The following ROBO2 variants were observed in gnomAD, a reference collection of about 807,000 sequenced individuals.
ROBO2 encodes roundabout guidance receptor 2, also known as roundabout homolog 2.
Under a neutral mutation model 160.8 loss-of-function variants are expected in ROBO2, and 53 were observed. The observed-to-expected ratio is 0.33, with a 90% CI of 0.26 to 0.41. The LOEUF (loss-of-function observed/expected upper bound fraction) is 0.41, where lower values mean the gene tolerates loss of function less well. Among genes scored for constraint, ROBO2 ranks in the 10% least tolerant of loss-of-function variants. The pLI, the probability that ROBO2 is intolerant of heterozygous loss-of-function variation, is 1.00. For synonymous variants in ROBO2, 664 were observed against 611.7 expected, an observed-to-expected ratio of 1.09 and a Z score of -1.26; for missense variants, 1,577 against 1,722.4, an observed-to-expected ratio of 0.92 and a Z score of 1.49.
chr3:77,230,300 T>C (rs2087009641), intron 2 of ROBO2, among the ~76,000 whole-genome samples: 1 of 152,068 alleles, frequency 6.6e-6, no homozygotes, highest in Non-Finnish European at 1.5e-5. Flanking sequence ...CCCAGATTGA[T>C]CTCTAACTCC....
intron 2 of ROBO2, among the ~76,000 whole-genome samples, chr3:76,393,868 A>G (rs2077282413): frequency 6.6e-6 from 1 of 152,204 alleles, no homozygotes; most frequent in Non-Finnish European, 1.5e-5. Flanking sequence ...TGTATTATGC[A>G]GCACATAAGT....
At chr3:76,003,199 C>T (rs1481832156) in intron 2 of ROBO2, among the ~76,000 whole-genome samples, 2 of 152,096 alleles carry the variant, frequency 1.3e-5, no homozygotes, top group African/African-American at 4.8e-5. Context: ...GACCCTATGC[C>T]CTCTCTTAAT....
intron 2 of ROBO2, among the ~76,000 whole-genome samples, chr3:77,024,213 C>T (rs772814562): frequency 1.2e-4 from 19 of 152,144 alleles, no homozygotes; most frequent in Non-Finnish European, 2.5e-4. Flanking sequence ...GTGAACATTT[C>T]AGCATAGAAC....
At chr3:76,672,879 A>T in intron 2 of ROBO2, among the ~76,000 whole-genome samples, 1 of 152,188 alleles carries the variant, frequency 6.6e-6, no homozygotes, top group East Asian at 1.9e-4. Flanking sequence ...GATTTTCAGA[A>T]GTTTTAAGCT....
intron 5 of ROBO2, among the ~76,000 whole-genome samples, chr3:77,503,760 T>G (rs7617960): frequency 0.38 from 57,404 of 151,690 alleles, 11,253 homozygotes; most frequent in Admixed American, 0.47. Context: ...TTTTTAAAAC[T>G]ATGTAATGGT....
chr3:76,478,151 A>G (rs2079026972), intron 2 of ROBO2, among the ~76,000 whole-genome samples: 1 of 147,876 alleles, frequency 6.8e-6, no homozygotes, highest in African/African-American at 2.5e-5. Flanking sequence ...AACATTAGGT[A>G]TATCTCCTAA....
intron 2 of ROBO2, among the ~76,000 whole-genome samples, chr3:76,217,331 A>G (rs1289040610): frequency 6.6e-6 from 1 of 152,138 alleles, no homozygotes; most frequent in Non-Finnish European, 1.5e-5. Context: ...AACTGAAGGA[A>G]ATAGAGACAC....
chr3:76,685,961 T>C (rs1419519537), intron 2 of ROBO2, among the ~76,000 whole-genome samples: 1 of 152,130 alleles, frequency 6.6e-6, no homozygotes, highest in Non-Finnish European at 1.5e-5. Flanking sequence ...GTAGAAAACA[T>C]GGCCTTGAGA....
At chr3:77,340,812 T>C (rs1199070858) in intron 2 of ROBO2, among the ~76,000 whole-genome samples, 1 of 152,106 alleles carries the variant, frequency 6.6e-6, no homozygotes, top group Non-Finnish European at 1.5e-5. Context: ...GCATTTCATA[T>C]GGCAGCCAGT....
chr3:77,566,551 G>A (rs892207666), intron 12 of ROBO2, among the ~76,000 whole-genome samples: 1 of 152,048 alleles, frequency 6.6e-6, no homozygotes, highest in African/African-American at 2.4e-5. Flanking sequence ...AATAGTTTTT[G>A]TGTGTAGCCA....
intron 2 of ROBO2, among the ~76,000 whole-genome samples, chr3:76,142,472 T>A (rs2071708928): frequency 6.6e-6 from 1 of 152,040 alleles, no homozygotes; most frequent in Non-Finnish European, 1.5e-5. Context: ...AATGGAGTAC[T>A]ATTCAGCCAC....
Position 76,171,692 on chromosome 3 carries a change from T to C in ROBO2, c.109+234090T>C, listed in dbSNP as rs780005552. ...GCGTAAGACCCAAAAGAAAAATCCC[T>C]TTTTTTTTAGGTAGGAGAATCAGCA... is the stretch of plus-strand genomic sequence containing the variant. On this transcript the variant is annotated intron_variant, in intron 2 of 26. Transcript: ENST00000487694. Among the ~76,000 whole-genome samples the C allele has an allele frequency of 1.2e-3, 178 of 145,092 alleles. 1 individual carries two copies. The highest frequency in any genetic ancestry group is 2.2e-3 in the Admixed American group (27 of 12,368).
At chr3:76,079,010 C>T (rs1045861925) in intron 2 of ROBO2, among the ~76,000 whole-genome samples, 6 of 151,934 alleles carry the variant, frequency 3.9e-5, no homozygotes, top group Non-Finnish European at 8.8e-5. Context: ...AGCACATGGA[C>T]GGAACTGGAA....
chr3:77,164,540 G>C (rs543422745), intron 2 of ROBO2, among the ~76,000 whole-genome samples: 82 of 134,234 alleles, frequency 6.1e-4, no homozygotes, highest in East Asian at 1.8e-3. Flanking sequence ...GAGGTGGGGG[G>C]GTCAGACCCC....
intron 2 of ROBO2, among the ~76,000 whole-genome samples, chr3:77,263,161 G>GA (rs1044613653): frequency 3.3e-5 from 5 of 152,162 alleles, no homozygotes; most frequent in East Asian, 1.9e-4. Flanking sequence ...TATGGTGGTA[G>GA]AAAAAAAGCC....
Position 76,990,679 on chromosome 3 carries a change from C to T in ROBO2, c.110-107335C>T, listed in dbSNP as rs1559809441. Among the ~76,000 whole-genome samples the T allele has an allele frequency of 3.9e-5, 6 of 151,980 alleles. 1 individual carries two copies. The highest frequency in any genetic ancestry group is 1.2e-4 in the African/African-American group (5 of 41,374). Reference sequence around the variant, plus strand: ...TAAAATAGTAATTGGTTGCAGCCAGCGCTAGGGAAAGGAAAGGCAGTCTCC... The same window carrying T: ...TAAAATAGTAATTGGTTGCAGCCAGTGCTAGGGAAAGGAAAGGCAGTCTCC... On this transcript the variant is annotated intron_variant, in intron 2 of 26. Transcript: ENST00000487694.
At chr3:77,141,294 T>C (rs938212023) in intron 2 of ROBO2, among the ~76,000 whole-genome samples, 9 of 144,232 alleles carry the variant, frequency 6.2e-5, no homozygotes, top group Admixed American at 4.1e-4. Context: ...CCCCCCCCCC[T>C]TGTAATAGGC....
intron 2 of ROBO2, among the ~76,000 whole-genome samples, chr3:76,457,580 C>A (rs750453892): frequency 4.4e-4 from 67 of 152,086 alleles, no homozygotes; most frequent in Non-Finnish European, 7.9e-4. Flanking sequence ...GGATGATGTA[C>A]CTCTTCTCAC....
intron 2 of ROBO2, among the ~76,000 whole-genome samples, chr3:76,317,394 G>A (rs2072122350): frequency 6.6e-6 from 1 of 152,098 alleles, no homozygotes; most frequent in Non-Finnish European, 1.5e-5. Context: ...AAATTTGAAG[G>A]TATTTTATAG....
Sources: gnomAD v4.1 joint callset for allele counts (sites outside exome capture counted in the v4.1 genomes callset) on GRCh38, gnomAD v4.1.1 for gene constraint, MANE v1.5 for transcripts, NCBI Gene and HGNC (gene_info 2026-07-23, HGNC 2026-07-21) for gene names.